The following CNTN1 variants were observed in gnomAD, a reference collection of about 807,000 sequenced individuals.
CNTN1 encodes contactin 1.
A neutral mutation model predicts 126.4 loss-of-function variants in CNTN1; 38 were observed. The ratio of observed to expected loss-of-function variants is 0.30; its 90% CI spans 0.23 to 0.39. CNTN1 has a LOEUF of 0.39. Among genes scored for constraint, CNTN1 ranks in the 10% least tolerant of loss-of-function variants. The pLI is 1.00. For synonymous variants in CNTN1, 413 were observed against 422.6 expected, an observed-to-expected ratio of 0.98 and a Z score of 0.28; for missense variants, 1,009 against 1,248.4, an observed-to-expected ratio of 0.81 and a Z score of 2.89.
chr12:40,949,822 C>T (rs979067614), intron 14 of CNTN1, among the ~76,000 whole-genome samples: 11 of 151,836 alleles, frequency 7.2e-5, no homozygotes, highest in African/African-American at 2.4e-4. Context: ...GTGATCCACC[C>T]GCCTCGGCCT....
At chr12:40,724,751 T>C (rs1303658659) in intron 1 of CNTN1, among the ~76,000 whole-genome samples, 1 of 152,224 alleles carries the variant, frequency 6.6e-6, no homozygotes, top group African/African-American at 2.4e-5. Context: ...TTTTTGAATT[T>C]ATTATGCTGG....
chr12:40,994,573 A>T (rs1948168362), intron 17 of CNTN1, among the ~76,000 whole-genome samples: 1 of 152,096 alleles, frequency 6.6e-6, no homozygotes, highest in Non-Finnish European at 1.5e-5. Flanking sequence ...TTCGGTCCAT[A>T]ATACAGAAGC....
intron 1 of CNTN1, among the ~76,000 whole-genome samples, chr12:40,699,115 A>G (rs1422772527): frequency 2.6e-5 from 4 of 151,986 alleles, no homozygotes; most frequent in African/African-American, 9.7e-5. Context: ...TTACCATACT[A>G]TATTGTACTG....
intron 15 of CNTN1, among the ~76,000 whole-genome samples, chr12:40,971,070 A>C (rs1174923681): frequency 1.3e-5 from 2 of 152,196 alleles, no homozygotes; most frequent in Non-Finnish European, 2.9e-5. Context: ...TATTCTTAGA[A>C]GTCTTCAAGG....
chr12:40,988,536 T>C (rs1352907479), intron 16 of CNTN1, among the ~76,000 whole-genome samples: 3 of 152,122 alleles, frequency 2.0e-5, no homozygotes, highest in Admixed American at 6.6e-5. Context: ...GAGCATGATT[T>C]CCAGGCAACT....
intron 23 of CNTN1, among the ~76,000 whole-genome samples, chr12:41,065,627 GA>G (rs1434321306): frequency 6.6e-6 from 1 of 152,166 alleles, no homozygotes; most frequent in Non-Finnish European, 1.5e-5. Context: ...GTGGGAATAG[GA>G]GAAGCAGGAA....
intron 23 of CNTN1, among the ~76,000 whole-genome samples, chr12:41,050,848 C>T (rs530101239): frequency 6.6e-5 from 10 of 152,212 alleles, no homozygotes; most frequent in African/African-American, 2.2e-4. Flanking sequence ...TAGGAAGCCT[C>T]GTTACATATT....
At chr12:40,721,527 A>G (rs1565646190) in intron 1 of CNTN1, among the ~76,000 whole-genome samples, 1 of 151,812 alleles carries the variant, frequency 6.6e-6, no homozygotes, top group Non-Finnish European at 1.5e-5. Flanking sequence ...TGTCTGCTGA[A>G]TTGGGACATC....
intron 1 of CNTN1, among the ~76,000 whole-genome samples, chr12:40,878,313 A>AG (rs1248550510): frequency 6.6e-6 from 1 of 151,532 alleles, no homozygotes; most frequent in African/African-American, 2.4e-5. Flanking sequence ...AATTAAAAAA[A>AG]AAAAAAGAAC....
At chr12:41,007,461 C>T (rs1364124944) in intron 17 of CNTN1, among the ~76,000 whole-genome samples, 1 of 152,034 alleles carries the variant, frequency 6.6e-6, no homozygotes, top group Non-Finnish European at 1.5e-5. Flanking sequence ...TCATCTTGCA[C>T]CAGGAAAACT....
intron 1 of CNTN1, among the ~76,000 whole-genome samples, chr12:40,725,193 G>C (rs2121234343): frequency 6.6e-6 from 1 of 152,056 alleles, no homozygotes; most frequent in South Asian, 2.1e-4. Context: ...CCTGAGGTTG[G>C]GAGTTCGAGA....
intron 19 of CNTN1, among the ~76,000 whole-genome samples, chr12:41,019,220 G>T (rs991900474): frequency 5.3e-5 from 8 of 152,158 alleles, no homozygotes; most frequent in African/African-American, 1.9e-4. Context: ...TTTGAAGAAC[G>T]AGTACATCTT....
chr12:40,729,954 T>C (rs1318961684), intron 1 of CNTN1: 1 of 152,436 alleles, frequency 6.6e-6, no homozygotes, highest in African/African-American at 2.4e-5. Flanking sequence ...CTATGCATTT[T>C]TGGGGGAGTA....
intron 1 of CNTN1, among the ~76,000 whole-genome samples, chr12:40,757,080 C>T (rs1938640716): frequency 6.6e-6 from 1 of 152,102 alleles, no homozygotes; most frequent in African/African-American, 2.4e-5. Context: ...TGAGGGCTCT[C>T]TTCCTGATTT....
intron 7 of CNTN1, among the ~76,000 whole-genome samples, chr12:40,933,230 A>C (rs1472606368): frequency 6.6e-6 from 1 of 151,808 alleles, no homozygotes; most frequent in African/African-American, 2.4e-5. Context: ...ATTGAGTCAC[A>C]ATGGTTATGC....
intron 15 of CNTN1, chr12:40,971,921 T>C: frequency 9.6e-7 from 1 of 1,038,608 alleles, no homozygotes; most frequent in Non-Finnish European, 1.2e-6. Flanking sequence ...TAATGAACAA[T>C]GTTGTCAAAC....
chr12:40,724,028 T>G (rs1251982781), intron 1 of CNTN1, among the ~76,000 whole-genome samples: 1 of 152,320 alleles, frequency 6.6e-6, no homozygotes, highest in East Asian at 1.9e-4. Context: ...GGATTCATTA[T>G]TATATATTCA....
At position 40,908,178 on chromosome 12, in the gene CNTN1, A is replaced by T. The variant is rs569942727; in HGVS notation, c.-76-179A>T. On this transcript the variant is annotated intron_variant, in intron 1 of 23. Transcript: ENST00000551295. ...CGGTGTTTACAAATATATTTAAATA[A>T]ATGAAAACTTATTCTACAAACGAAA... 9.2e-5 allele frequency among the ~76,000 whole-genome samples: 14 copies of T among 152,344 alleles called. No individual in the cohort carries two copies. The Middle Eastern group carries it at 0.01, about 111-fold the overall frequency.
chr12:40,805,222 T>C (rs1940802752), intron 1 of CNTN1, among the ~76,000 whole-genome samples: 1 of 151,962 alleles, frequency 6.6e-6, no homozygotes, highest in Admixed American at 6.6e-5. Flanking sequence ...TTGGAACATT[T>C]TCAATAACTA....
Sources: gnomAD v4.1 joint callset for allele counts (sites outside exome capture counted in the v4.1 genomes callset) on GRCh38, gnomAD v4.1.1 for gene constraint, MANE v1.5 for transcripts, NCBI Gene and HGNC (gene_info 2026-07-23, HGNC 2026-07-21) for gene names.